Variants in KIAA1549 observed in about 807,000 individuals in gnomAD.
KIAA1549 encodes the protein UPF0606 protein KIAA1549.
A neutral mutation model predicts 156.4 loss-of-function variants in KIAA1549; 70 were observed. The ratio of observed to expected loss-of-function variants is 0.45; its 90% CI spans 0.37 to 0.55. The LOEUF is 0.55. KIAA1549 is among the 20% of genes least tolerant of loss of function. The probability of loss-of-function intolerance (pLI) is 0.00; values close to 1 mark genes in which losing one functional copy is unlikely to be tolerated. For synonymous variants in KIAA1549, 1,103 were observed against 1,066.4 expected, an observed-to-expected ratio of 1.03 and a Z score of -0.67; for missense variants, 2,428 against 2,540.9, an observed-to-expected ratio of 0.96 and a Z score of 0.96.
chr7:138,857,005 C>A (rs1292521543), intron 16 of KIAA1549, among the ~76,000 whole-genome samples: 1 of 152,130 alleles, frequency 6.6e-6, no homozygotes, highest in Non-Finnish European at 1.5e-5. Context: ...TGAGCTGGGA[C>A]ATGAATCTTC....
Position 138,869,627 on chromosome 7 carries a change from G to T in KIAA1549, c.4686C>A (p.His1562Gln), listed in dbSNP as rs776206391. The change falls in exon 14 of 20, where the codon CAC (histidine) becomes CAA (glutamine). Residue 1562 changes from histidine to glutamine, a missense_variant. Coordinates refer to ENST00000422774, the MANE Select transcript of KIAA1549 (RefSeq NM_001164665.2). ...DLSSGDTKER[H>Q]RVYRRAQMQI... Reference sequence around the variant, plus strand: ...GCATCTGTGCCCTGCGGTACACCCGGTGTCGCTCCTTAGTGTCGCCCGAGG... The same window carrying T: ...GCATCTGTGCCCTGCGGTACACCCGTTGTCGCTCCTTAGTGTCGCCCGAGG... 9 of 1,609,066 alleles carry T rather than the reference G, an allele frequency of 5.6e-6. No homozygotes were observed. Among genetic ancestry groups the T allele is most frequent in the Non-Finnish European group, 7.6e-6 (9 of 1,178,634 alleles).
chr7:138,924,545 CAG>C (rs998246199), intron 1 of KIAA1549, among the ~76,000 whole-genome samples: 6 of 152,148 alleles, frequency 3.9e-5, no homozygotes, highest in African/African-American at 1.4e-4. Flanking sequence ...CTTCTAAGGA[CAG>C]GGTACGGGGA....
chr7:138,834,844 TCA>T lies in KIAA1549; in HGVS notation c.*3060_*3061del, dbSNP rs1809658073. The T allele has an allele frequency of 8.6e-6, 2 of 232,174 alleles. No homozygotes were observed. The highest frequency in any genetic ancestry group is 4.4e-5 in the African/African-American group (2 of 45,240). 14.4% of individuals were successfully genotyped at this position (232,174 alleles called of 1,614,324 possible). A position where few individuals can be genotyped will look rare whatever the true frequency, so the allele number is the denominator to read the frequency against. On this transcript the variant is annotated 3_prime_UTR_variant, in exon 20 of 20. Coordinates refer to ENST00000422774, the MANE Select transcript of KIAA1549 (RefSeq NM_001164665.2). ...CCTCACAGGACATCTGCACACATGA[TCA>T]CATCTGATTCTCACAACTACGGTGC...
chr7:138,938,051 T>A (rs1198059370), intron 1 of KIAA1549, among the ~76,000 whole-genome samples: 1 of 152,054 alleles, frequency 6.6e-6, no homozygotes, highest in Non-Finnish European at 1.5e-5. Context: ...GGTGATGGTA[T>A]TAAGAGGTAG....
chr7:138,885,239 A>G (rs955040576), intron 10 of KIAA1549, among the ~76,000 whole-genome samples: 1 of 152,152 alleles, frequency 6.6e-6, no homozygotes, highest in East Asian at 1.9e-4. Context: ...GTTTCAAAAA[A>G]TAATAATAAT....
chr7:138,844,089 C>T (rs939505694), intron 18 of KIAA1549, among the ~76,000 whole-genome samples: 20 of 152,084 alleles, frequency 1.3e-4, no homozygotes, highest in African/African-American at 4.8e-4. Context: ...GGAAGCGTGC[C>T]GTGAATTTCA....
At chr7:138,870,530 C>T (rs1810896533) in intron 13 of KIAA1549, among the ~76,000 whole-genome samples, 1 of 152,220 alleles carries the variant, frequency 6.6e-6, no homozygotes. Context: ...CCCCTGCCCC[C>T]AGAGTGGTAT....
chr7:138,964,116 C>T (rs1202044611), intron 1 of KIAA1549, among the ~76,000 whole-genome samples: 3 of 152,312 alleles, frequency 2.0e-5, no homozygotes, highest in East Asian at 3.9e-4. Flanking sequence ...TCTTAACCTA[C>T]GTTTGGTGAG....
intron 1 of KIAA1549, among the ~76,000 whole-genome samples, chr7:138,963,195 T>C (rs140979267): frequency 0.017 from 2,545 of 152,336 alleles, 78 homozygotes; most frequent in African/African-American, 0.058. Flanking sequence ...CTTCTGGCAC[T>C]GGCAAACCCA....
In KIAA1549 at chr7:138,981,317, T is replaced by C. The variant is rs1184832799; in HGVS notation, c.-48A>G. 19 of 806,254 alleles carry C rather than the reference T, an allele frequency of 2.4e-5. No homozygotes were observed. The highest frequency in any genetic ancestry group is 2.8e-5 in the Non-Finnish European group (19 of 670,838). The allele number at this position is 806,254 out of a possible 1,614,324, so 49.9% of individuals were successfully genotyped here. A position where few individuals can be genotyped will look rare whatever the true frequency, so the allele number is the denominator to read the frequency against. Reference sequence around the variant, plus strand: ...GCCTCGCGGCTCAGCGGCTCTCGGGTCCGGGAGGGGCGGCCGCTGCGGCTG... The same window carrying C: ...GCCTCGCGGCTCAGCGGCTCTCGGGCCCGGGAGGGGCGGCCGCTGCGGCTG... On this transcript the variant is annotated 5_prime_UTR_variant, in exon 1 of 20. Coordinates refer to ENST00000422774, the MANE Select transcript of KIAA1549 (RefSeq NM_001164665.2). The surrounding 1 kb of genome is among the most constrained non-coding windows in gnomAD (Gnocchi z 4.5).
Position 138,918,836 on chromosome 7 carries a change from T to C in KIAA1549, c.790A>G (p.Arg264Gly). ...GAAGCCACAATCTCTGGCAGAGTCC[T>C]GCTTGATAAATGACTGTAAGCATCA... ...PTDAYSHLSS[R>G]TLPEIVASLT... Residue 264 changes from arginine to glycine, a missense_variant, in exon 2 of 20, where the codon AGG becomes GGG. This residue lies in a region of KIAA1549 where 893 missense variants were observed against 847.9 expected (regional missense o/e 1.05). Coordinates refer to ENST00000422774, the MANE Select transcript of KIAA1549 (RefSeq NM_001164665.2). This position sits in a 1 kb window ranked among gnomAD's most constrained non-coding sequence, Gnocchi z 4.2. 6.2e-7 allele frequency: 1 copy of C among 1,614,062 alleles called. No homozygotes were observed. The highest frequency in any genetic ancestry group is 8.5e-7 in the Non-Finnish European group (1 of 1,179,906).
intron 19 of KIAA1549, among the ~76,000 whole-genome samples, chr7:138,838,897 T>G (rs11973462): frequency 0.45 from 68,002 of 151,910 alleles, 17,167 homozygotes; most frequent in East Asian, 0.82. Context: ...AGGCACGGTG[T>G]CTCATACTTG....
At chr7:138,973,324 G>A (rs1814276181) in intron 1 of KIAA1549, among the ~76,000 whole-genome samples, 1 of 152,076 alleles carries the variant, frequency 6.6e-6, no homozygotes, top group African/African-American at 2.4e-5. Context: ...CAGTAGAGCT[G>A]GCTTGACCAT....
chr7:138,951,511 GC>G (rs1258778992), intron 1 of KIAA1549, among the ~76,000 whole-genome samples: 8 of 152,166 alleles, frequency 5.3e-5, no homozygotes, highest in Non-Finnish European at 1.2e-4. Context: ...ACACAGGCTG[GC>G]CCTGGCACTG....
rs576958226 is a variant in KIAA1549 at position 138,917,741 on chromosome 7, T to C, written c.1885A>G (p.Thr629Ala). The C allele has an allele frequency of 5.7e-6, 9 of 1,586,770 alleles. No homozygotes were observed. Among genetic ancestry groups the C allele is most frequent in the Admixed American group, 3.6e-5 (2 of 54,904 alleles). ...GAGCCGCTGAGTTCCAGCGGGGGTG[T>C]TGAGAAAAAGCTGGATGCAAAATCC... ...ALDFASSFFS[T>A]PPLELSGSIS... The change falls in exon 2 of 20, where the codon ACA (threonine) becomes GCA (alanine). Residue 629 changes from threonine (T) to alanine (A), a missense_variant. Coordinates refer to ENST00000422774, the MANE Select transcript of KIAA1549 (RefSeq NM_001164665.2).
intron 14 of KIAA1549, among the ~76,000 whole-genome samples, chr7:138,868,397 G>T (rs1057198846): frequency 2.6e-5 from 4 of 152,166 alleles, no homozygotes; most frequent in Non-Finnish European, 4.4e-5. Context: ...GGAGCTATTA[G>T]TCCCATGGGG....
At position 138,837,915 on chromosome 7, in the gene KIAA1549, G is replaced by A. The variant is rs768355427; in HGVS notation, c.5844C>T (p.Phe1948=). Residue 1948 remains phenylalanine (F), a synonymous_variant, in exon 20 of 20, where the codon TTC becomes TTT. Transcript: ENST00000422774. ...LSQKQSTVQN[F]HS ...TGCGAGGCGAGGCCGATCAGCTGTG[G>A]AAGTTCTGCACGGTGCTCTGTTTCT... 6 of 1,613,548 alleles carry A rather than the reference G, an allele frequency of 3.7e-6. No individual in the cohort carries two copies. The African/African-American group carries it at 6.7e-5, about 18-fold the overall frequency.
At chr7:138,843,303 A>AT (rs2130331665) in intron 18 of KIAA1549, among the ~76,000 whole-genome samples, 1 of 152,322 alleles carries the variant, frequency 6.6e-6, no homozygotes, top group Non-Finnish European at 1.5e-5. Context: ...TTAATTTGCA[A>AT]TTTTAAAATA....
chr7:138,967,636 T>C (rs1463049134), intron 1 of KIAA1549, among the ~76,000 whole-genome samples: 1 of 152,110 alleles, frequency 6.6e-6, no homozygotes, highest in Non-Finnish European at 1.5e-5. Context: ...AACCCATTCC[T>C]GGAGCCGCCT....
Sources: gnomAD v4.1 joint callset for allele counts (sites outside exome capture counted in the v4.1 genomes callset) on GRCh38, gnomAD v4.1.1 for gene constraint, gnomAD v4.1.1 regional missense constraint, Gnocchi (gnomAD v3.1) non-coding constraint, MANE v1.5 for transcripts, NCBI Gene and HGNC (gene_info 2026-07-23, HGNC 2026-07-21) for gene names.